RYR3: variants seen among roughly 807,000 people sequenced by gnomAD.
The protein encoded by RYR3 is brain ryanodine receptor-calcium release channel.
Under a neutral mutation model 584.3 loss-of-function variants are expected in RYR3, and 207 were observed. That is an observed-to-expected ratio of 0.35 (90% CI 0.32 to 0.40). RYR3 has a LOEUF of 0.40. Among genes scored for constraint, RYR3 ranks in the 10% least tolerant of loss-of-function variants. The probability of loss-of-function intolerance (pLI) is 1.00; values close to 1 mark genes in which losing one functional copy is unlikely to be tolerated. For missense variants in RYR3, 5,616 were observed against 6,089.2 expected (o/e 0.92, Z 2.59); for synonymous variants, 2,416 against 2,248.5 (o/e 1.07, Z -2.11).
intron 1 of RYR3, among the ~76,000 whole-genome samples, chr15:33,456,836 G>T (rs1384931198): frequency 2.0e-5 from 3 of 152,098 alleles, no homozygotes; most frequent in African/African-American, 7.2e-5. Context: ...TAAAATAGGG[G>T]CCATTCTATA....
In RYR3 at chr15:33,742,384, A is replaced by G. The variant is rs1156880664; in HGVS notation, c.7839A>G (p.Lys2613=). 2 of 1,612,952 alleles carry G rather than the reference A, an allele frequency of 1.2e-6. No homozygotes were observed. The highest frequency in any genetic ancestry group is 3.3e-5 in the Admixed American group (2 of 60,012). ...TTCACAGTTTTTCCTTGCCTGAAAA[A>G]TTGGAATACATCGTCACCAAGTATG... is the stretch of plus-strand genomic sequence containing the variant. The part of the protein sequence containing the change: ...INTMNFSLPE[K]LEYIVTKYAE... The change falls in exon 52 of 104, where the codon AAA becomes AAG. Residue 2613 remains lysine, a synonymous_variant. Coordinates refer to ENST00000634891, the MANE Select transcript of RYR3 (RefSeq NM_001036.6).
intron 1 of RYR3, among the ~76,000 whole-genome samples, chr15:33,455,452 G>A (rs1360035461): frequency 6.6e-6 from 1 of 152,114 alleles, no homozygotes; most frequent in Non-Finnish European, 1.5e-5. Context: ...ACCTCTAAAG[G>A]CACAAGAGGC....
intron 3 of RYR3, among the ~76,000 whole-genome samples, chr15:33,528,151 C>T (rs1467931489): frequency 1.3e-5 from 2 of 152,050 alleles, no homozygotes; most frequent in African/African-American, 4.8e-5. Flanking sequence ...TTCTAAGGTA[C>T]AATTTTGATT....
Position 33,603,301 on chromosome 15 carries a change from G to A in RYR3, c.2101G>A (p.Gly701Arg), listed in dbSNP as rs1445767468. Residue 701 changes from glycine to arginine, a missense_variant, in exon 18 of 104, where the codon GGA becomes AGA. By Grantham distance (125) the Gly-to-Arg change is moderately radical (BLOSUM62 -2). This residue lies in a region of RYR3 where 1,284 missense variants were observed against 1,344.6 expected (regional missense o/e 0.95). Transcript: ENST00000634891. ...ATACCCAGGAGGTGGAGAAGGATGGGGAGGCAATGGTGTTGGTGACGACCT... is the reference window on the plus strand; with the variant it reads ...ATACCCAGGAGGTGGAGAAGGATGGAGAGGCAATGGTGTTGGTGACGACCT... Reference protein sequence around the residue: ...APYPGGGEGWGGNGVGDDLYS... With the variant: ...APYPGGGEGWRGNGVGDDLYS... 1.2e-6 allele frequency: 2 copies of A among 1,613,658 alleles called. No homozygotes were observed. The highest frequency in any genetic ancestry group is 1.7e-6 in the Non-Finnish European group (2 of 1,179,716).
chr15:33,416,546 TTTC>T (rs1361241719), intron 1 of RYR3, among the ~76,000 whole-genome samples: 1 of 152,174 alleles, frequency 6.6e-6, no homozygotes, highest in African/African-American at 2.4e-5. Flanking sequence ...TATATGTTTT[TTTC>T]TTCTTGATTT....
intron 53 of RYR3, among the ~76,000 whole-genome samples, chr15:33,746,423 T>G (rs2070722855): frequency 1.3e-5 from 2 of 152,198 alleles, no homozygotes. Context: ...CAAAATGCAT[T>G]TGTAGTTCTG....
At chr15:33,374,839 C>T (rs748534207) in intron 1 of RYR3, among the ~76,000 whole-genome samples, 2 of 152,210 alleles carry the variant, frequency 1.3e-5, no homozygotes, top group African/African-American at 4.8e-5. Context: ...TTCAGCTGCT[C>T]CATGGCTGTG....
chr15:33,687,500 G>A (rs963167117), intron 38 of RYR3, among the ~76,000 whole-genome samples: 3 of 152,154 alleles, frequency 2.0e-5, no homozygotes, highest in African/African-American at 4.8e-5. Context: ...AAGGTAATTT[G>A]TAGATTCGAT....
intron 1 of RYR3, among the ~76,000 whole-genome samples, chr15:33,338,870 G>T (rs1330544002): frequency 1.3e-5 from 2 of 151,998 alleles, no homozygotes; most frequent in South Asian, 4.1e-4. Flanking sequence ...TACAAACTTC[G>T]TTTCCTCTTA....
chr15:33,747,086 C>A (rs1296271311), intron 53 of RYR3, among the ~76,000 whole-genome samples: 2 of 152,116 alleles, frequency 1.3e-5, no homozygotes, highest in African/African-American at 4.8e-5. Flanking sequence ...ACTGGAATTA[C>A]AGGTGTGAAC....
intron 83 of RYR3, 63 bp downstream of exon 83, chr15:33,826,332 T>C (rs2077378751): frequency 6.6e-7 from 1 of 1,523,616 alleles, no homozygotes; most frequent in Non-Finnish European, 9.1e-7. Flanking sequence ...CTCATTTAAT[T>C]GCCTCAGCAC....
rs145105058 is a variant in RYR3 at position 33,541,028 on chromosome 15, T to C, written c.646+138T>C. 599 of 599,446 alleles carry C rather than the reference T, an allele frequency of 1.0e-3. 2 individuals carry two copies. The highest frequency in any genetic ancestry group is 7.1e-3 in the Middle Eastern group (19 of 2,694). The allele number at this position is 599,446 out of a possible 1,614,324, so 37.1% of individuals were successfully genotyped here. On this transcript the variant is annotated intron_variant, in intron 7 of 103. Coordinates refer to ENST00000634891, the MANE Select transcript of RYR3 (RefSeq NM_001036.6). ...AGCCTGATTTTAGCTCACTTGAGTT[T>C]CTTTCTCTGAATTCAGTACAGATTA...
At chr15:33,398,298 C>A (rs753132899) in intron 1 of RYR3, among the ~76,000 whole-genome samples, 3 of 152,174 alleles carry the variant, frequency 2.0e-5, no homozygotes, top group Non-Finnish European at 4.4e-5. Flanking sequence ...CATCCATCCA[C>A]AATGCTGTGG....
At position 33,415,505 on chromosome 15, in the gene RYR3, A is replaced by T. The variant is rs566395227; in HGVS notation, c.52-57914A>T. ...TTTGGTGAAAGAGATACTCTTTTTT[A>T]AAAAAAAAAAAATTACAGTACAGTA... On this transcript the variant is annotated intron_variant, in intron 1 of 103. Coordinates refer to ENST00000634891, the MANE Select transcript of RYR3 (RefSeq NM_001036.6). Among the ~76,000 whole-genome samples, 677 of 142,362 alleles carry T rather than the reference A, an allele frequency of 4.8e-3. 2 individuals carry two copies. The highest frequency in any genetic ancestry group is 7.6e-3 in the East Asian group (38 of 4,986). The allele number at this position is 142,362 out of a possible 152,430, so 93.4% of individuals were successfully genotyped here.
Position 33,827,225 on chromosome 15 carries a change from A to G in RYR3, c.11272A>G (p.Met3758Val), listed in dbSNP as rs1820521806. The change falls in exon 85 of 104, where the codon ATG becomes GTG. Residue 3758 changes from methionine (M) to valine (V), a missense_variant. By Grantham distance (21) the Met-to-Val change is conservative. This residue lies in a region of RYR3 where 954 missense variants were observed against 1,132.2 expected (regional missense o/e 0.84). Coordinates refer to ENST00000634891, the MANE Select transcript of RYR3 (RefSeq NM_001036.6). ...SDFQNFLRTQ[M>V]GNTTTVNVII... ...CTTTCAGAACTTCCTGCGGACTCAGATGGGCAACACCACCACCGTGAATGT... is the reference window on the plus strand; with the variant it reads ...CTTTCAGAACTTCCTGCGGACTCAGGTGGGCAACACCACCACCGTGAATGT... 48 of 1,552,056 alleles carry G rather than the reference A, an allele frequency of 3.1e-5. No homozygotes were observed. Among genetic ancestry groups the G allele is most frequent in the Non-Finnish European group, 3.9e-5 (45 of 1,147,344 alleles).
chr15:33,469,686 C>T (rs987181630), intron 1 of RYR3, among the ~76,000 whole-genome samples: 3 of 151,952 alleles, frequency 2.0e-5, no homozygotes, highest in Non-Finnish European at 2.9e-5. Flanking sequence ...TTTGTAAGTC[C>T]GCAGGTAAAA....
intron 77 of RYR3, 136 bp downstream of exon 77, chr15:33,819,943 A>T: frequency 1.7e-6 from 1 of 579,178 alleles, no homozygotes; most frequent in Non-Finnish European, 3.0e-6. Context: ...TGCACAATTC[A>T]TGTGCCATAG....
chr15:33,368,870 G>A (rs1567109113), intron 1 of RYR3, among the ~76,000 whole-genome samples: 1 of 152,090 alleles, frequency 6.6e-6, no homozygotes, highest in South Asian at 2.1e-4. Context: ...GTTTCAATCC[G>A]AAACATGACA....
intron 3 of RYR3, among the ~76,000 whole-genome samples, chr15:33,513,155 T>C (rs1381962259): frequency 1.3e-5 from 2 of 152,268 alleles, no homozygotes; most frequent in African/African-American, 2.4e-5. Flanking sequence ...AGTTTATTTA[T>C]TAGAGTTTTC....
Sources: gnomAD v4.1 joint callset for allele counts (sites outside exome capture counted in the v4.1 genomes callset) on GRCh38, gnomAD v4.1.1 for gene constraint, gnomAD v4.1.1 regional missense constraint, MANE v1.5 for transcripts, NCBI Gene and HGNC (gene_info 2026-07-23, HGNC 2026-07-21) for gene names.